Variants in LRRC8B observed in about 807,000 individuals in gnomAD.
The protein encoded by LRRC8B is leucine rich repeat containing 8 VRAC subunit B.
Under a neutral mutation model 58.8 loss-of-function variants are expected in LRRC8B, and 23 were observed. That is an observed-to-expected ratio of 0.39 (90% CI 0.28 to 0.55). LRRC8B has a LOEUF of 0.55. LRRC8B is among the 20% of genes least tolerant of loss of function. LRRC8B has a pLI of 0.62. For missense variants in LRRC8B, 694 were observed against 936.0 expected (o/e 0.74, Z 3.37); for synonymous variants, 359 against 374.1 (o/e 0.96, Z 0.47).
chr1:89,547,965 G>T (rs1247223363), intron 1 of LRRC8B, among the ~76,000 whole-genome samples: 1 of 152,174 alleles, frequency 6.6e-6, no homozygotes, highest in Non-Finnish European at 1.5e-5. Flanking sequence ...CAGTCTAGCT[G>T]ATTTGAGTCA....
chr1:89,542,353 CTG>C (rs1300544919), intron 1 of LRRC8B, among the ~76,000 whole-genome samples: 1 of 152,192 alleles, frequency 6.6e-6, no homozygotes, highest in Non-Finnish European at 1.5e-5. Context: ...AATAAAATAA[CTG>C]AGGATTTGTT....
intron 1 of LRRC8B, among the ~76,000 whole-genome samples, chr1:89,543,687 G>A (rs967278534): frequency 1.3e-5 from 2 of 150,572 alleles, no homozygotes; most frequent in Non-Finnish European, 3.0e-5. Flanking sequence ...GTAGAGATGA[G>A]ATTTTGCCAC....
Position 89,583,658 on chromosome 1 carries a change from G to C in LRRC8B, c.1008G>C (p.Trp336Cys). The change falls in exon 5 of 6, where the codon TGG (tryptophan) becomes TGC (cysteine). Residue 336 changes from tryptophan to cysteine, a missense_variant. This residue lies in a region of LRRC8B where 316 missense variants were observed against 403.8 expected (regional missense o/e 0.78). Coordinates refer to ENST00000330947, the MANE Select transcript of LRRC8B (RefSeq NM_001369817.2). The surrounding 1 kb of genome is among the most constrained non-coding windows in gnomAD (Gnocchi z 5.2). ...YGLTSSYSLW[W>C]MLRSSLKQYS... The stretch of plus-strand genomic sequence containing the variant: ...TGACCTCTTCCTACAGCCTGTGGTG[G>C]ATGCTGAGGAGTTCCCTGAAGCAAT... 1 of 1,613,668 alleles carries C rather than the reference G, an allele frequency of 6.2e-7. No individual in the cohort carries two copies. Among genetic ancestry groups the C allele is most frequent in the Non-Finnish European group, 8.5e-7 (1 of 1,180,028 alleles).
In LRRC8B at chr1:89,535,187, C is replaced by T. The variant is rs567203596; in HGVS notation, c.-241+10165C>T. On this transcript the variant is annotated intron_variant, in intron 1 of 5. Coordinates refer to ENST00000330947, the MANE Select transcript of LRRC8B (RefSeq NM_001369817.2). ...GGTTAATTGAGTTAGAAGTAGATTC[C>T]ACCACATTGTCAATTACTCCCAATA... Among the ~76,000 whole-genome samples, 22 of 152,132 alleles carry T rather than the reference C, an allele frequency of 1.4e-4. 1 individual carries two copies. Among genetic ancestry groups the T allele is most frequent in the African/African-American group, 5.1e-4 (21 of 41,500 alleles).
At chr1:89,559,873 A>G (rs1456228417) in intron 1 of LRRC8B, among the ~76,000 whole-genome samples, 1 of 152,200 alleles carries the variant, frequency 6.6e-6, no homozygotes, top group African/African-American at 2.4e-5. Flanking sequence ...TGAGTTGACA[A>G]TTGTAGACAT....
chr1:89,570,724 C>T (rs1170723470), intron 3 of LRRC8B, among the ~76,000 whole-genome samples: 5 of 152,078 alleles, frequency 3.3e-5, no homozygotes, highest in Non-Finnish European at 7.4e-5. Context: ...TTAATTAGAT[C>T]CATTTGTCAA....
chr1:89,534,040 C>T (rs748550152), intron 1 of LRRC8B, among the ~76,000 whole-genome samples: 3 of 152,142 alleles, frequency 2.0e-5, no homozygotes, highest in Non-Finnish European at 4.4e-5. Flanking sequence ...GGCTTTTGTA[C>T]TTCAATGAAA....
intron 5 of LRRC8B, among the ~76,000 whole-genome samples, chr1:89,587,532 C>CA (rs1227690695): frequency 3.9e-5 from 6 of 151,938 alleles, no homozygotes; most frequent in Non-Finnish European, 7.4e-5. Flanking sequence ...GACTCCATCT[C>CA]AAAAAAGGAA....
chr1:89,582,633 C>T lies in LRRC8B; in HGVS notation c.-18C>T, dbSNP rs201776386. ...TTATTTCCCTCTTCCAGTTTCTGTC[C>T]TCCTACAAGGGAAAGTCATGATTAC... On this transcript the variant is annotated 5_prime_UTR_variant, in exon 5 of 6. Coordinates refer to ENST00000330947, the MANE Select transcript of LRRC8B (RefSeq NM_001369817.2). 5.8e-5 allele frequency: 91 copies of T among 1,575,610 alleles called. No individual in the cohort carries two copies. The East Asian group carries it at 2.0e-3, about 34-fold the overall frequency.
intron 5 of LRRC8B, among the ~76,000 whole-genome samples, chr1:89,588,603 C>T (rs1054350005): frequency 1.3e-4 from 20 of 152,150 alleles, no homozygotes; most frequent in African/African-American, 4.6e-4. Context: ...ATGTTTGATT[C>T]ATTGGATAGT....
chr1:89,585,724 G>A (rs1021791759), intron 5 of LRRC8B, among the ~76,000 whole-genome samples: 16 of 151,932 alleles, frequency 1.1e-4, no homozygotes, highest in Admixed American at 4.6e-4. Context: ...CAGGAGAATC[G>A]CTTGAACCCG....
intron 3 of LRRC8B, among the ~76,000 whole-genome samples, chr1:89,569,620 G>T (rs12740865): frequency 0.44 from 66,225 of 152,018 alleles, 15,034 homozygotes; most frequent in South Asian, 0.55. Flanking sequence ...GCTTCATCCA[G>T]GTTGCTGCAA....
At chr1:89,544,461 C>T (rs774882705) in intron 1 of LRRC8B, among the ~76,000 whole-genome samples, 50 of 152,134 alleles carry the variant, frequency 3.3e-4, no homozygotes, top group African/African-American at 1.1e-3. Flanking sequence ...TTGTTTTTAT[C>T]GACTATTGCT....
intron 1 of LRRC8B, among the ~76,000 whole-genome samples, chr1:89,544,129 C>T (rs963539333): frequency 1.3e-5 from 2 of 152,014 alleles, no homozygotes; most frequent in Non-Finnish European, 2.9e-5. Context: ...TCTGTTTATG[C>T]AGAACAAGGT....
intron 1 of LRRC8B, among the ~76,000 whole-genome samples, chr1:89,539,278 G>A (rs1435516077): frequency 7.2e-5 from 11 of 151,982 alleles, no homozygotes; most frequent in Non-Finnish European, 1.5e-4. Context: ...CCATATTTGG[G>A]TATTTCTAGC....
chr1:89,556,933 T>C (rs1570594231), intron 1 of LRRC8B, among the ~76,000 whole-genome samples: 1 of 152,240 alleles, frequency 6.6e-6, no homozygotes, highest in East Asian at 1.9e-4. Context: ...TAAGCAGTGT[T>C]GGCTGACTGG....
chr1:89,582,725 C>T lies in LRRC8B; in HGVS notation c.75C>T (p.Asp25=), dbSNP rs767505187. Reference sequence around the variant, plus strand: ...ATCACATCTTAAAACCATGGTGGGACGTCTTCTGGTATTACATCACACTGA... The same window carrying T: ...ATCACATCTTAAAACCATGGTGGGATGTCTTCTGGTATTACATCACACTGA... ...SSYHILKPWW[D]VFWYYITLIM... Residue 25 remains aspartate (D), a synonymous_variant, in exon 5 of 6, where the codon GAC becomes GAT. Transcript: ENST00000330947. 6.2e-6 allele frequency: 10 copies of T among 1,614,174 alleles called. No individual in the cohort carries two copies. Among genetic ancestry groups the T allele is most frequent in the African/African-American group, 5.3e-5 (4 of 75,042 alleles).
At position 89,582,616 on chromosome 1, in the gene LRRC8B, C is replaced by T. The variant is rs779265146; in HGVS notation, c.-26-9C>T. The T allele has an allele frequency of 6.7e-7, 1 of 1,489,876 alleles. No individual in the cohort carries two copies. Among genetic ancestry groups the T allele is most frequent in the Admixed American group, 1.7e-5 (1 of 58,586 alleles). 92.3% of individuals were successfully genotyped at this position (1,489,876 alleles called of 1,614,324 possible). Reference sequence around the variant, plus strand: ...CTTCAGTAGTGTTTCTTTTATTTCCCTCTTCCAGTTTCTGTCCTCCTACAA... The same window carrying T: ...CTTCAGTAGTGTTTCTTTTATTTCCTTCTTCCAGTTTCTGTCCTCCTACAA... On this transcript the variant is annotated splice_polypyrimidine_tract_variant and intron_variant, in intron 4 of 5. Transcript: ENST00000330947.
At chr1:89,551,072 A>G (rs1012350428) in intron 1 of LRRC8B, among the ~76,000 whole-genome samples, 3 of 152,078 alleles carry the variant, frequency 2.0e-5, no homozygotes, top group Admixed American at 6.6e-5. Context: ...TCTGGCCGTG[A>G]AGATCCTCTG....
Sources: gnomAD v4.1 joint callset for allele counts (sites outside exome capture counted in the v4.1 genomes callset) on GRCh38, gnomAD v4.1.1 for gene constraint, gnomAD v4.1.1 regional missense constraint, Gnocchi (gnomAD v3.1) non-coding constraint, MANE v1.5 for transcripts, NCBI Gene and HGNC (gene_info 2026-07-23, HGNC 2026-07-21) for gene names.